MBNL1: variants seen among roughly 807,000 people sequenced by gnomAD.
MBNL1 encodes muscleblind-like protein 1.
Under a neutral mutation model 42.2 loss-of-function variants are expected in MBNL1, and 8 were observed. The ratio of observed to expected loss-of-function variants is 0.19; its 90% CI spans 0.11 to 0.34. MBNL1 has a LOEUF of 0.34. Ranked by LOEUF, MBNL1 falls within the 10% of genes least tolerant of loss-of-function variation. MBNL1 has a pLI of 1.00. For missense variants in MBNL1, 309 were observed against 495.3 expected (o/e 0.62, Z 3.57); for synonymous variants, 169 against 173.9 (o/e 0.97, Z 0.22).
At chr3:152,327,204 C>G (rs1031507656) in intron 2 of MBNL1, among the ~76,000 whole-genome samples, 8 of 151,476 alleles carry the variant, frequency 5.3e-5, no homozygotes, top group African/African-American at 1.9e-4. Flanking sequence ...GTTTTCTTTC[C>G]TTCCTTTTTG....
At chr3:152,321,287 G>A (rs1428013201) in intron 2 of MBNL1, among the ~76,000 whole-genome samples, 2 of 151,956 alleles carry the variant, frequency 1.3e-5, no homozygotes, top group African/African-American at 4.8e-5. Flanking sequence ...TTATGTAGCT[G>A]GTAACAAATG....
chr3:152,366,400 GTCT>G (rs1239500364), intron 2 of MBNL1, among the ~76,000 whole-genome samples: 2 of 152,010 alleles, frequency 1.3e-5, no homozygotes, highest in Non-Finnish European at 2.9e-5. Flanking sequence ...CAATCCATTT[GTCT>G]TCTTATTTTG....
chr3:152,373,357 A>C (rs539326606), intron 2 of MBNL1, among the ~76,000 whole-genome samples: 1 of 150,512 alleles, frequency 6.6e-6, no homozygotes, highest in East Asian at 1.9e-4. Context: ...AAAAAAAAAA[A>C]AAAAAAAACC....
intron 2 of MBNL1, among the ~76,000 whole-genome samples, chr3:152,392,090 A>T (rs2097746324): frequency 6.6e-6 from 1 of 151,832 alleles, no homozygotes; most frequent in Non-Finnish European, 1.5e-5. Context: ...AAAAAAAAAA[A>T]GTATGATTAC....
intron 1 of MBNL1, among the ~76,000 whole-genome samples, chr3:152,277,008 G>A (rs114690746): frequency 6.6e-6 from 1 of 151,962 alleles, no homozygotes; most frequent in African/African-American, 2.4e-5. Flanking sequence ...GGCAATGGGG[G>A]TATTAACAAT....
chr3:152,446,611 G>T, intron 5 of MBNL1: 1 of 875,972 alleles, frequency 1.1e-6, no homozygotes, highest in Non-Finnish European at 1.9e-6. Context: ...ATGCACTGCT[G>T]CCCCCATGAT....
chr3:152,372,562 G>A (rs555878401), intron 2 of MBNL1, among the ~76,000 whole-genome samples: 2 of 152,268 alleles, frequency 1.3e-5, no homozygotes, highest in African/African-American at 4.8e-5. Flanking sequence ...CTTCTCTCCT[G>A]CAGGCCTGCT....
Position 152,464,539 on chromosome 3 carries a change from A to T in MBNL1, c.*2173A>T, listed in dbSNP as rs1023221190. The T allele has an allele frequency of 6.6e-6, 1 of 152,578 alleles. No individual in the cohort carries two copies. The highest frequency in any genetic ancestry group is 2.4e-5 in the African/African-American group (1 of 41,470). The allele number at this position is 152,578 out of a possible 1,614,324, so 9.5% of individuals were successfully genotyped here. A position where few individuals can be genotyped will look rare whatever the true frequency, so the allele number is the denominator to read the frequency against. Reference sequence around the variant, plus strand: ...ATTTTGTTTGTAATTAGTTATTATAAGAAGATCTAGATCCTAGATATTAGA... The same window carrying T: ...ATTTTGTTTGTAATTAGTTATTATATGAAGATCTAGATCCTAGATATTAGA... On this transcript the variant is annotated 3_prime_UTR_variant, in exon 10 of 10. Coordinates refer to ENST00000324210, the MANE Select transcript of MBNL1 (RefSeq NM_021038.5).
intron 2 of MBNL1, among the ~76,000 whole-genome samples, chr3:152,353,436 C>T (rs1247476511): frequency 6.6e-6 from 1 of 152,200 alleles, no homozygotes; most frequent in Non-Finnish European, 1.5e-5. Context: ...AGTAGTCAGG[C>T]AGAGGAAATA....
At chr3:152,447,538 C>A in intron 5 of MBNL1, 82 bp from the exon 6 acceptor site, 3 of 1,022,722 alleles carry the variant, frequency 2.9e-6, no homozygotes, top group Admixed American at 2.3e-5. Flanking sequence ...TGCTTCCTAA[C>A]AATTTTAGCC....
At chr3:152,406,930 C>T (rs2098443273) in intron 2 of MBNL1, among the ~76,000 whole-genome samples, 1 of 151,976 alleles carries the variant, frequency 6.6e-6, no homozygotes, top group Admixed American at 6.6e-5. Context: ...GAATCTATTA[C>T]ATTATATTCT....
At chr3:152,401,748 G>A (rs1034320821) in intron 2 of MBNL1, among the ~76,000 whole-genome samples, 35 of 152,144 alleles carry the variant, frequency 2.3e-4, no homozygotes, top group Non-Finnish European at 1.2e-4. Context: ...ATTTGCGGCT[G>A]GACGTGGTGG....
At chr3:152,404,187 T>C (rs1004911534) in intron 2 of MBNL1, among the ~76,000 whole-genome samples, 2 of 152,196 alleles carry the variant, frequency 1.3e-5, no homozygotes, top group African/African-American at 2.4e-5. Flanking sequence ...GGTCTTTGTA[T>C]TTGGCAAAGA....
chr3:152,259,100 T>G (rs931087717), intron 2 of MBNL1, among the ~76,000 whole-genome samples: 1 of 152,214 alleles, frequency 6.6e-6, no homozygotes. Context: ...AAGAGAGAGG[T>G]CCAAGAAACC....
Position 152,340,465 on chromosome 3 carries a change from C to G in MBNL1, c.174+40098C>G, listed in dbSNP as rs151007306. ...TTTTTTTTTTAAGTAAAATATCAGACTATGTGAATTTATAGACTTATTTCT... is the reference window on the plus strand; with the variant it reads ...TTTTTTTTTTAAGTAAAATATCAGAGTATGTGAATTTATAGACTTATTTCT... On this transcript the variant is annotated intron_variant, in intron 2 of 9. Coordinates refer to ENST00000324210, the MANE Select transcript of MBNL1 (RefSeq NM_021038.5). 547 of 1,503,840 alleles carry G rather than the reference C, an allele frequency of 3.6e-4. 2 individuals carry two copies. The African/African-American group carries it at 6.9e-3, about 19-fold the overall frequency. The allele number at this position is 1,503,840 out of a possible 1,614,324, so 93.2% of individuals were successfully genotyped here.
At chr3:152,414,483 T>A (rs1006755261) in intron 2 of MBNL1, among the ~76,000 whole-genome samples, 11 of 152,194 alleles carry the variant, frequency 7.2e-5, no homozygotes, top group Non-Finnish European at 1.5e-4. Flanking sequence ...GGTGTTTTAC[T>A]GAAGATACAA....
intron 2 of MBNL1, among the ~76,000 whole-genome samples, chr3:152,387,403 A>C (rs2097494179): frequency 6.6e-6 from 1 of 152,162 alleles, no homozygotes; most frequent in South Asian, 2.1e-4. Flanking sequence ...GTCTACATTC[A>C]AGACTTAAAA....
chr3:152,311,405 T>C (rs1450231797), intron 2 of MBNL1, among the ~76,000 whole-genome samples: 1 of 152,188 alleles, frequency 6.6e-6, no homozygotes, highest in African/African-American at 2.4e-5. Flanking sequence ...GACAGAAATA[T>C]GCTTAAAAAC....
chr3:152,304,002 G>T (rs1379735765), intron 2 of MBNL1, among the ~76,000 whole-genome samples: 1 of 151,926 alleles, frequency 6.6e-6, no homozygotes, highest in African/African-American at 2.4e-5. Context: ...ATAGCACCCC[G>T]ATCAGATTTA....
Sources: allele counts gnomAD v4.1 joint callset (sites outside exome capture counted in the v4.1 genomes callset), GRCh38; gene constraint gnomAD v4.1.1; transcripts MANE v1.5; gene names NCBI Gene and HGNC (gene_info 2026-07-23, HGNC 2026-07-21).